The following DCUN1D2 variants were observed in gnomAD, a reference collection of about 807,000 sequenced individuals.
DCUN1D2 encodes DCN1-like protein 2.
DCUN1D2 carries 29 observed loss-of-function variants against 30.9 expected under a neutral mutation model. The observed-to-expected ratio is 0.94, with a 90% CI of 0.70 to 1.28. DCUN1D2 has a LOEUF of 1.28. Ranked by LOEUF, DCUN1D2 falls within the 50% of genes most tolerant of loss-of-function variation. The probability of loss-of-function intolerance (pLI) is 0.00; values close to 1 mark genes in which losing one functional copy is unlikely to be tolerated. For missense variants in DCUN1D2, 325 were observed against 316.9 expected (o/e 1.03, Z -0.19); for synonymous variants, 121 against 115.3 (o/e 1.05, Z -0.32).
At chr13:113,486,933 T>G (rs1277840929) in intron 1 of DCUN1D2, among the ~76,000 whole-genome samples, 1 of 152,208 alleles carries the variant, frequency 6.6e-6, no homozygotes, top group Non-Finnish European at 1.5e-5. Context: ...TAAAACTCAA[T>G]TTACAAAAAC....
chr13:113,485,914 C>A (rs1256882597), intron 1 of DCUN1D2, among the ~76,000 whole-genome samples: 1 of 152,290 alleles, frequency 6.6e-6, no homozygotes, highest in African/African-American at 2.4e-5. Flanking sequence ...TGTGATATCA[C>A]AGGAATGAAC....
rs1216791303 is a variant in DCUN1D2 at position 113,456,758 on chromosome 13, T to C, written c.*1271A>G. On this transcript the variant is annotated 3_prime_UTR_variant, in exon 7 of 7. Transcript: ENST00000478244. ...AGATGAAGGTTTTGGGGTTGGGTTT[T>C]TTCAGACAACGATGTACATTTTAGC... 1 of 176,762 alleles carries C rather than the reference T, an allele frequency of 5.7e-6. No homozygotes were observed. The allele number at this position is 176,762 out of a possible 1,614,324, so 10.9% of individuals were successfully genotyped here.
rs199980148 is a variant in DCUN1D2, at chr13:113,478,334, CT to C, written c.389+2240del. ...CTGGCATAAAGCTCTTCATACATGA[CT>C]TTTTTTTTTTTAATGCTTCTGGCAC... On this transcript the variant is annotated intron_variant, in intron 3 of 6. Transcript: ENST00000478244. Among the ~76,000 whole-genome samples, 282 of 145,776 alleles carry C rather than the reference CT, an allele frequency of 1.9e-3. 1 individual carries two copies. Among genetic ancestry groups the C allele is most frequent in the Non-Finnish European group, 2.5e-3 (163 of 65,878 alleles).
At chr13:113,474,669 G>C (rs898984612) in intron 3 of DCUN1D2, among the ~76,000 whole-genome samples, 2 of 152,168 alleles carry the variant, frequency 1.3e-5, no homozygotes, top group South Asian at 4.1e-4. Context: ...CTTTGACCAC[G>C]GAGAGAGGAC....
chr13:113,480,123 A>G (rs2044682734), intron 3 of DCUN1D2, among the ~76,000 whole-genome samples: 1 of 152,226 alleles, frequency 6.6e-6, no homozygotes, highest in Non-Finnish European at 1.5e-5. Context: ...AGCGAGAAAC[A>G]CCTTAAGTTA....
chr13:113,475,139 C>T (rs2044592206), intron 3 of DCUN1D2, among the ~76,000 whole-genome samples: 1 of 152,144 alleles, frequency 6.6e-6, no homozygotes, highest in South Asian at 2.1e-4. Context: ...TAGAAAAGTC[C>T]TCGAAGACAT....
intron 2 of DCUN1D2, among the ~76,000 whole-genome samples, chr13:113,482,797 G>C (rs2044733109): frequency 6.6e-6 from 1 of 152,106 alleles, no homozygotes; most frequent in Non-Finnish European, 1.5e-5. Flanking sequence ...ACAAAAATTA[G>C]CTGGGCGTGG....
intron 4 of DCUN1D2, among the ~76,000 whole-genome samples, chr13:113,461,394 AG>A (rs2044316017): frequency 6.6e-6 from 1 of 152,224 alleles, no homozygotes; most frequent in Non-Finnish European, 1.5e-5. Flanking sequence ...CTAATTAATC[AG>A]TTTTGGAGAC....
At chr13:113,470,843 C>A (rs1178332733) in intron 4 of DCUN1D2, among the ~76,000 whole-genome samples, 1 of 150,156 alleles carries the variant, frequency 6.7e-6, no homozygotes, top group Non-Finnish European at 1.5e-5. Context: ...GAAGACCCAA[C>A]TCCACAGGGG....
chr13:113,471,029 A>T (rs1397367144), intron 4 of DCUN1D2, among the ~76,000 whole-genome samples: 1 of 146,250 alleles, frequency 6.8e-6, no homozygotes, highest in Non-Finnish European at 1.5e-5. Context: ...AGAGGACCCA[A>T]CTCCACAGGG....
At chr13:113,462,863 A>C in intron 4 of DCUN1D2, 1 of 1,266,166 alleles carries the variant, frequency 7.9e-7, no homozygotes, top group Non-Finnish European at 1.0e-6. Context: ...AATGATGTAA[A>C]GCTTTCACAT....
At chr13:113,472,879 C>G (rs2044546141) in intron 4 of DCUN1D2, among the ~76,000 whole-genome samples, 1 of 152,198 alleles carries the variant, frequency 6.6e-6, no homozygotes, top group African/African-American at 2.4e-5. Flanking sequence ...AATTCAGTAA[C>G]CAGTGTGGGG....
intron 3 of DCUN1D2, among the ~76,000 whole-genome samples, chr13:113,476,940 C>A (rs1208972078): frequency 6.6e-6 from 1 of 152,136 alleles, no homozygotes; most frequent in Non-Finnish European, 1.5e-5. Context: ...TGTCATAAAC[C>A]AGAAGTCCCC....
rs182834119 is a variant in DCUN1D2 at position 113,480,188 on chromosome 13, A to G, written c.389+387T>C. Among the ~76,000 whole-genome samples, 3 of 152,378 alleles carry G rather than the reference A, an allele frequency of 2.0e-5. No homozygotes were observed. The East Asian group carries it at 5.8e-4, about 29-fold the overall frequency. On this transcript the variant is annotated intron_variant, in intron 3 of 6. Coordinates refer to ENST00000478244, the MANE Select transcript of DCUN1D2 (RefSeq NM_001014283.2). ...GTAGAATAGAAAAATGTTACAAGCA[A>G]AAACCAAAATGACATCTTAGTTTTT...
At chr13:113,473,977 C>A (rs1195676241) in intron 4 of DCUN1D2, 147 bp downstream of exon 4, 8 of 925,806 alleles carry the variant, frequency 8.6e-6, no homozygotes, top group Non-Finnish European at 1.3e-5. Context: ...TGCACTCCAG[C>A]CTAGGTGACA....
chr13:113,461,508 G>A (rs371298706), intron 4 of DCUN1D2, among the ~76,000 whole-genome samples: 1 of 152,146 alleles, frequency 6.6e-6, no homozygotes, highest in South Asian at 2.1e-4. Context: ...CCTGAGTGTC[G>A]AACTGCAAAT....
intron 4 of DCUN1D2, chr13:113,462,994 A>G: frequency 2.6e-6 from 1 of 383,650 alleles, no homozygotes; most frequent in Non-Finnish European, 3.9e-6. Flanking sequence ...CCTGATTTGT[A>G]TGTTTGTCAA....
At chr13:113,490,760 C>G, upstream of DCUN1D2, 1 of 1,126,048 alleles carries the variant, frequency 8.9e-7, no homozygotes, top group African/African-American at 1.6e-5. This position sits in a 1 kb window ranked among gnomAD's most constrained non-coding sequence, Gnocchi z 5.2. Context: ...CCGCGGCCCT[C>G]GGCTCCGGGG....
chr13:113,487,929 C>T (rs1012495223), intron 1 of DCUN1D2, among the ~76,000 whole-genome samples: 4 of 152,144 alleles, frequency 2.6e-5, no homozygotes, highest in African/African-American at 9.7e-5. Context: ...TACTCTTCGG[C>T]GACTGAATTA....
Sources: gnomAD v4.1 joint callset for allele counts (sites outside exome capture counted in the v4.1 genomes callset) on GRCh38, gnomAD v4.1.1 for gene constraint, Gnocchi (gnomAD v3.1) non-coding constraint, MANE v1.5 for transcripts, NCBI Gene and HGNC (gene_info 2026-07-23, HGNC 2026-07-21) for gene names.